NCOR1: variants seen among roughly 807,000 people sequenced by gnomAD.
The protein encoded by NCOR1 is nuclear receptor corepressor 1.
NCOR1 carries 63 observed loss-of-function variants against 288.1 expected under a neutral mutation model. The ratio of observed to expected loss-of-function variants is 0.22; its 90% CI spans 0.18 to 0.27. The LOEUF (loss-of-function observed/expected upper bound fraction) is 0.27, where lower values mean the gene tolerates loss of function less well. Ranked by LOEUF, NCOR1 falls within the 10% of genes least tolerant of loss-of-function variation. NCOR1 has a pLI of 1.00. For synonymous variants in NCOR1, 1,007 were observed against 1,065.9 expected, an observed-to-expected ratio of 0.94 and a Z score of 1.08; for missense variants, 2,397 against 3,019.2, an observed-to-expected ratio of 0.79 and a Z score of 4.83.
chr17:16,155,923 C>T (rs1291361903), intron 6 of NCOR1, among the ~76,000 whole-genome samples: 1 of 152,164 alleles, frequency 6.6e-6, no homozygotes, highest in African/African-American at 2.4e-5. Context: ...GCCCATTGTG[C>T]TCTCCTCCTC....
chr17:16,177,242 A>G (rs1478869906), intron 3 of NCOR1, among the ~76,000 whole-genome samples: 1 of 152,018 alleles, frequency 6.6e-6, no homozygotes, highest in African/African-American at 2.4e-5. Context: ...GTTTTTGAAT[A>G]CTTCATTATT....
intron 1 of NCOR1, among the ~76,000 whole-genome samples, chr17:16,213,489 C>CAAAAAAAAAAAAA (rs537795184): frequency 2.0e-4 from 16 of 78,122 alleles, no homozygotes; most frequent in African/African-American, 5.0e-4. Context: ...AAGACTGTCT[C>CAAAAAAAAAAAAA]AAAAAAAAAA....
intron 4 of NCOR1, among the ~76,000 whole-genome samples, chr17:16,170,619 G>A (rs1056509576): frequency 6.6e-6 from 1 of 152,038 alleles, no homozygotes; most frequent in Non-Finnish European, 1.5e-5. Flanking sequence ...CAGATCACGA[G>A]GTCAGGAGTT....
intron 2 of NCOR1, among the ~76,000 whole-genome samples, chr17:16,188,472 G>A (rs1002823994): frequency 2.0e-5 from 3 of 151,550 alleles, no homozygotes; most frequent in Admixed American, 6.6e-5. Flanking sequence ...TTAGCTGGGC[G>A]TGGTGGCGTG....
chr17:16,084,902 G>C (rs900924439), intron 23 of NCOR1, among the ~76,000 whole-genome samples: 5 of 152,062 alleles, frequency 3.3e-5, no homozygotes, highest in African/African-American at 9.7e-5. Flanking sequence ...AGCAGGCCAA[G>C]ATTTCTTAGC....
chr17:16,046,931 A>G lies in NCOR1; in HGVS notation c.6679+20T>C. Reference sequence around the variant, plus strand: ...TTAATGCATGTTTTATTTGGGGTTCATGAAAGAAATCCCACTTACCCATAT... The same window carrying G: ...TTAATGCATGTTTTATTTGGGGTTCGTGAAAGAAATCCCACTTACCCATAT... On this transcript the variant is annotated intron_variant, in intron 42 of 45. Coordinates refer to ENST00000268712, the MANE Select transcript of NCOR1 (RefSeq NM_006311.4). 2 of 1,611,476 alleles carry G rather than the reference A, an allele frequency of 1.2e-6. No homozygotes were observed. Among genetic ancestry groups the G allele is most frequent in the Non-Finnish European group, 1.7e-6 (2 of 1,179,042 alleles).
chr17:16,069,437 C>T (rs1335458392), intron 31 of NCOR1, among the ~76,000 whole-genome samples: 1 of 152,170 alleles, frequency 6.6e-6, no homozygotes, highest in Non-Finnish European at 1.5e-5. Context: ...ACCATGTGAG[C>T]CATCAATAAA....
rs1173244552 is a variant in NCOR1, at chr17:16,175,035, T to TA, written c.243-3041dup. On this transcript the variant is annotated intron_variant, in intron 3 of 45. Coordinates refer to ENST00000268712, the MANE Select transcript of NCOR1 (RefSeq NM_006311.4). ...AAAAATAGATAAATAAACTGTGGTA[T>TA]AAAAAAAAAAAAACCTAACAGCAAA... 7.9e-3 allele frequency among the ~76,000 whole-genome samples: 1,012 copies of TA among 128,276 alleles called. 9 individuals carry two copies. Among genetic ancestry groups the TA allele is most frequent in the Middle Eastern group, 0.023 (6 of 260 alleles). 84.2% of individuals were successfully genotyped at this position (128,276 alleles called of 152,430 possible).
chr17:16,204,721 C>A (rs568627705), intron 1 of NCOR1, among the ~76,000 whole-genome samples: 10 of 152,166 alleles, frequency 6.6e-5, no homozygotes, highest in Non-Finnish European at 1.3e-4. Context: ...AGAGTCACAG[C>A]TAACATTTAT....
intron 39 of NCOR1, 82 bp downstream of exon 39, chr17:16,057,825 T>C (rs1248149511): frequency 3.4e-6 from 5 of 1,479,538 alleles, no homozygotes; most frequent in Non-Finnish European, 4.5e-6. Context: ...ATCTTTATTA[T>C]AAATTTCTTT....
At chr17:16,096,685 C>G (rs550363109) in intron 21 of NCOR1, among the ~76,000 whole-genome samples, 1 of 152,190 alleles carries the variant, frequency 6.6e-6, no homozygotes, top group South Asian at 2.1e-4. Flanking sequence ...AAGCAATGTA[C>G]TAAGGATATA....
At chr17:16,035,074 CAATG>C in intron 44 of NCOR1, 130 bp from the exon 45 acceptor site, 1 of 843,596 alleles carries the variant, frequency 1.2e-6, no homozygotes, top group Non-Finnish European at 1.8e-6. Flanking sequence ...TCCTGGTACT[CAATG>C]AAATAAAATA....
chr17:16,181,846 CAAAT>C (rs1231483672), intron 3 of NCOR1, among the ~76,000 whole-genome samples: 1 of 151,896 alleles, frequency 6.6e-6, no homozygotes, highest in Non-Finnish European at 1.5e-5. Flanking sequence ...AAACAGCAAA[CAAAT>C]AAAACTAAAC....
At position 16,199,216 on chromosome 17, in the gene NCOR1, A is replaced by AAAC. The variant is rs1337668798; in HGVS notation, c.-70-4578_-70-4577insGTT. Among the ~76,000 whole-genome samples the AAAC allele has an allele frequency of 2.7e-3, 328 of 122,300 alleles. 5 individuals carry two copies. Among genetic ancestry groups the AAAC allele is most frequent in the African/African-American group, 8.4e-3 (259 of 30,692 alleles). 80.2% of individuals were successfully genotyped at this position (122,300 alleles called of 152,430 possible). On this transcript the variant is annotated intron_variant, in intron 1 of 45. Coordinates refer to ENST00000268712, the MANE Select transcript of NCOR1 (RefSeq NM_006311.4). ...CCCAATACAGAAGGAAAAAAAAAAA[A>AAAC]ACACACACACACACACACACACACA...
intron 3 of NCOR1, among the ~76,000 whole-genome samples, chr17:16,177,628 A>G (rs979147374): frequency 6.6e-6 from 1 of 152,150 alleles, no homozygotes; most frequent in Non-Finnish European, 1.5e-5. Context: ...AGGAAGAAAA[A>G]TCTTGGTTAG....
chr17:16,096,278 C>T (rs1218841385), intron 21 of NCOR1, among the ~76,000 whole-genome samples: 2 of 151,140 alleles, frequency 1.3e-5, no homozygotes, highest in African/African-American at 4.9e-5. Flanking sequence ...TCCCCCTCTG[C>T]GAGAAACACC....
intron 43 of NCOR1, 64 bp from the exon 44 acceptor site, chr17:16,039,718 T>C (rs531748767): frequency 5.6e-6 from 8 of 1,416,220 alleles, no homozygotes; most frequent in Admixed American, 2.0e-5. Context: ...CAAACATGCA[T>C]TGCCCCATCA....
At chr17:16,141,890 T>C (rs1020304661) in intron 11 of NCOR1, among the ~76,000 whole-genome samples, 1 of 152,234 alleles carries the variant, frequency 6.6e-6, no homozygotes, top group Admixed American at 6.5e-5. Context: ...ATTTATTAAT[T>C]TGTAACCTTG....
At chr17:16,076,607 G>A (rs1053972690) in intron 26 of NCOR1, among the ~76,000 whole-genome samples, 3 of 152,182 alleles carry the variant, frequency 2.0e-5, no homozygotes, top group African/African-American at 4.8e-5. Context: ...TGAGCTGAGC[G>A]AAAATTTTAA....
Sources: gnomAD v4.1 joint callset for allele counts (sites outside exome capture counted in the v4.1 genomes callset) on GRCh38, gnomAD v4.1.1 for gene constraint, MANE v1.5 for transcripts, NCBI Gene and HGNC (gene_info 2026-07-23, HGNC 2026-07-21) for gene names.